The following MTMR9 variants were observed in gnomAD, a reference collection of about 807,000 sequenced individuals.
MTMR9 encodes the protein myotubularin related protein 9.
Under a neutral mutation model 69.5 loss-of-function variants are expected in MTMR9, and 39 were observed. The ratio of observed to expected loss-of-function variants is 0.56; its 90% confidence interval spans 0.43 to 0.73. The LOEUF (loss-of-function observed/expected upper bound fraction) is 0.73, where lower values mean the gene tolerates loss of function less well. Among genes scored for constraint, MTMR9 ranks in the 30% least tolerant of loss-of-function variants. MTMR9 has a pLI of 0.00. For missense variants in MTMR9, 900 were observed against 671.2 expected, an observed-to-expected ratio of 1.34 and a Z score of -3.77; for synonymous variants, 354 against 240.8, an observed-to-expected ratio of 1.47 and a Z score of -4.35.
chr8:11,320,565 C>T (rs1015939399), intron 9 of MTMR9: 2 of 151,586 alleles, frequency 1.3e-5, no homozygotes, highest in African/African-American at 4.8e-5. Flanking sequence ...CCCATCTCTA[C>T]TGAAAATACA....
chr8:11,327,019 G>C lies in MTMR9; in HGVS notation c.*4231G>C, dbSNP rs1585144252. Reference sequence around the variant, plus strand: ...ATTTATCCATTTACATTTATTCTCAGATGATAAAATATATACTGATACTAT... The same window carrying C: ...ATTTATCCATTTACATTTATTCTCACATGATAAAATATATACTGATACTAT... On this transcript the variant is annotated 3_prime_UTR_variant, in exon 10 of 10. Coordinates refer to ENST00000221086, the MANE Select transcript of MTMR9 (RefSeq NM_015458.4). 1 of 149,072 alleles carries C rather than the reference G, an allele frequency of 6.7e-6. No individual in the cohort carries two copies. The highest frequency in any genetic ancestry group is 2.5e-5 in the African/African-American group (1 of 40,536). 9.2% of individuals were successfully genotyped at this position (149,072 alleles called of 1,614,324 possible).
chr8:11,295,113 T>A, intron 1 of MTMR9, 81 bp from the exon 2 acceptor site: 1 of 758,226 alleles, frequency 1.3e-6, no homozygotes. Flanking sequence ...ACTACAACTA[T>A]ATTCTCTTTT....
At chr8:11,301,220 G>A (rs1394313740) in intron 3 of MTMR9, among the ~76,000 whole-genome samples, 1 of 152,140 alleles carries the variant, frequency 6.6e-6, no homozygotes, top group East Asian at 1.9e-4. Context: ...AAGTTTATAT[G>A]GAAAGTCAAA....
In MTMR9 at chr8:11,327,846, A is replaced by AG. The variant is rs1315029089; in HGVS notation, c.*5058_*5059insG. On this transcript the variant is annotated 3_prime_UTR_variant, in exon 10 of 10. Coordinates refer to ENST00000221086, the MANE Select transcript of MTMR9 (RefSeq NM_015458.4). ...CACACATATACATACAGTCTTAGGG[A>AG]AAAAAAAAAGCAGAACTTTTGTAAG... 2 of 149,630 alleles carry AG rather than the reference A, an allele frequency of 1.3e-5. No individual in the cohort carries two copies. The highest frequency in any genetic ancestry group is 3.0e-5 in the Non-Finnish European group (2 of 67,012). 9.3% of individuals were successfully genotyped at this position (149,630 alleles called of 1,614,324 possible).
intron 9 of MTMR9, chr8:11,321,593 A>G (rs778841150): frequency 2.1e-5 from 9 of 431,774 alleles, no homozygotes; most frequent in Admixed American, 7.5e-5. Context: ...ATGCTCCTCA[A>G]CCTAGAGCTG....
At chr8:11,303,156 G>C (rs1226560670) in intron 3 of MTMR9, among the ~76,000 whole-genome samples, 1 of 148,248 alleles carries the variant, frequency 6.7e-6, no homozygotes, top group Non-Finnish European at 1.5e-5. Context: ...ACTCTTTGAA[G>C]AACAAAAAGG....
At chr8:11,286,959 CA>C (rs1799185596) in intron 1 of MTMR9, among the ~76,000 whole-genome samples, 1 of 152,166 alleles carries the variant, frequency 6.6e-6, no homozygotes, top group African/African-American at 2.4e-5. Context: ...TAACATTTGC[CA>C]AATGCCTTTA....
chr8:11,293,513 T>C (rs1000163948), intron 1 of MTMR9, among the ~76,000 whole-genome samples: 6 of 152,230 alleles, frequency 3.9e-5, no homozygotes, highest in African/African-American at 1.4e-4. Flanking sequence ...TACCTTTTCA[T>C]GCTCTTTAAC....
chr8:11,314,256 A>G (rs943547918), intron 6 of MTMR9, among the ~76,000 whole-genome samples: 1 of 152,182 alleles, frequency 6.6e-6, no homozygotes, highest in Admixed American at 6.5e-5. Flanking sequence ...AGGGGAGAAG[A>G]TGTAGTAAAT....
chr8:11,302,740 T>C (rs1258945894), intron 3 of MTMR9, among the ~76,000 whole-genome samples: 1 of 152,046 alleles, frequency 6.6e-6, no homozygotes, highest in Non-Finnish European at 1.5e-5. Flanking sequence ...GGTATAGGGA[T>C]TGAAATGAAG....
At chr8:11,306,122 A>G in intron 4 of MTMR9, 68 bp from the exon 5 acceptor site, 1 of 1,371,230 alleles carries the variant, frequency 7.3e-7, no homozygotes, top group Non-Finnish European at 1.0e-6. Context: ...AATCTAGCTA[A>G]TTTCTTTCTG....
chr8:11,314,930 G>A lies in MTMR9; in HGVS notation c.979G>A (p.Ala327Thr), dbSNP rs774872888. The change falls in exon 7 of 10, where the codon GCA becomes ACA. Residue 327 changes from alanine (A) to threonine (T), a missense_variant. Ala to Thr is a moderately conservative substitution (Grantham distance 58). Coordinates refer to ENST00000221086, the MANE Select transcript of MTMR9 (RefSeq NM_015458.4). Reference protein sequence around the residue: ...LAAQCIDREGASILIHGTEGT... With the variant: ...LAAQCIDREGTSILIHGTEGT... ...CCCTGATTTTCCTATCAGGGAAGGAGCATCAATATTGATTCACGGAACAGA... is the reference window on the plus strand; with the variant it reads ...CCCTGATTTTCCTATCAGGGAAGGAACATCAATATTGATTCACGGAACAGA... The A allele has an allele frequency of 1.9e-6, 3 of 1,613,718 alleles. No homozygotes were observed. The highest frequency in any genetic ancestry group is 2.5e-6 in the Non-Finnish European group (3 of 1,179,702).
chr8:11,294,947 A>G (rs183030898), intron 1 of MTMR9: 226 of 247,772 alleles, frequency 9.1e-4, no homozygotes, highest in African/African-American at 4.8e-3. Flanking sequence ...GCCCCAAATA[A>G]TCTCCATCAG....
At chr8:11,299,021 T>C (rs1002853569) in intron 2 of MTMR9, 2 of 436,512 alleles carry the variant, frequency 4.6e-6, no homozygotes, top group Non-Finnish European at 6.1e-6. Flanking sequence ...TTTCTACCTA[T>C]GTAGAGCATG....
the MTMR9 span, among the ~76,000 whole-genome samples, chr8:11,333,531 A>G: frequency 1.3e-5 from 2 of 152,178 alleles, no homozygotes; most frequent in African/African-American, 4.8e-5. Flanking sequence ...AGATGAAAGA[A>G]CACTAGACAG....
chr8:11,324,691 T>C lies in MTMR9; in HGVS notation c.*1903T>C, dbSNP rs1800846255. 6.6e-6 allele frequency: 1 copy of C among 152,156 alleles called. No homozygotes were observed. Among genetic ancestry groups the C allele is most frequent in the Non-Finnish European group, 1.5e-5 (1 of 68,026 alleles). The allele number at this position is 152,156 out of a possible 1,614,324, so 9.4% of individuals were successfully genotyped here. On this transcript the variant is annotated 3_prime_UTR_variant, in exon 10 of 10. Coordinates refer to ENST00000221086, the MANE Select transcript of MTMR9 (RefSeq NM_015458.4). ...AAGGAAAACCATCTAGAGAGTTTTC[T>C]TTAGAAGTGACTCCCATTAGCCTGG...
In MTMR9 at chr8:11,319,389, A is replaced by T. The variant is rs747575353; in HGVS notation, c.1335-298A>T. 30 of 267,742 alleles carry T rather than the reference A, an allele frequency of 1.1e-4. 1 individual carries two copies. The highest frequency in any genetic ancestry group is 6.3e-4 in the African/African-American group (28 of 44,768). 16.6% of individuals were successfully genotyped at this position (267,742 alleles called of 1,614,324 possible). A position where few individuals can be genotyped will look rare whatever the true frequency, so the allele number is the denominator to read the frequency against. On this transcript the variant is annotated intron_variant, in intron 8 of 9. Coordinates refer to ENST00000221086, the MANE Select transcript of MTMR9 (RefSeq NM_015458.4). ...AATATAACAAAGGACTTTTGTGTAC[A>T]GTAATGTTCTCTGGGTTAAGGTTTA...
chr8:11,314,332 G>C (rs1267579435), intron 6 of MTMR9, among the ~76,000 whole-genome samples: 1 of 152,180 alleles, frequency 6.6e-6, no homozygotes, highest in Non-Finnish European at 1.5e-5. Context: ...TGAGTCTCAT[G>C]ATGCAGTGGT....
intron 6 of MTMR9, 83 bp from the exon 7 acceptor site, chr8:11,314,840 C>T (rs772809121): frequency 8.8e-6 from 12 of 1,358,050 alleles, no homozygotes; most frequent in Non-Finnish European, 1.1e-5. Context: ...AAATGTTGTG[C>T]TCAATAAACG....
Sources: allele counts gnomAD v4.1 joint callset (sites outside exome capture counted in the v4.1 genomes callset), GRCh38; gene constraint gnomAD v4.1.1; transcripts MANE v1.5; gene names NCBI Gene and HGNC (gene_info 2026-07-23, HGNC 2026-07-21).